The following SMC6 variants were observed in gnomAD, a reference collection of about 807,000 sequenced individuals.
SMC6 encodes the protein structural maintenance of chromosomes 6, also known as structural maintenance of chromosomes protein 6.
SMC6 carries 79 observed loss-of-function variants against 142.2 expected under a neutral mutation model. The observed-to-expected ratio is 0.56, with a 90% CI of 0.46 to 0.67. SMC6 has a LOEUF of 0.67. Ranked by LOEUF, SMC6 falls within the 30% of genes least tolerant of loss-of-function variation. SMC6 has a pLI of 0.00. For synonymous variants in SMC6, 411 were observed against 412.4 expected, an observed-to-expected ratio of 1.00 and a Z score of 0.04; for missense variants, 1,072 against 1,284.0, an observed-to-expected ratio of 0.83 and a Z score of 2.52.
chr2:17,706,344 G>C (rs960234445), intron 18 of SMC6, among the ~76,000 whole-genome samples: 9 of 151,986 alleles, frequency 5.9e-5, no homozygotes, highest in Admixed American at 1.3e-4. Context: ...AGAACACCAA[G>C]GTGCTAGTCA....
At chr2:17,713,485 T>TGCCA (rs977747549) in intron 16 of SMC6, 3 of 471,010 alleles carry the variant, frequency 6.4e-6, no homozygotes, top group African/African-American at 6.0e-5. Context: ...ACACACAATG[T>TGCCA]GCCAGCAAGG....
chr2:17,743,881 A>G (rs1360644461), intron 3 of SMC6, among the ~76,000 whole-genome samples: 1 of 152,142 alleles, frequency 6.6e-6, no homozygotes, highest in Non-Finnish European at 1.5e-5. Flanking sequence ...ACTTAGTAAT[A>G]TACGTTTAAG....
chr2:17,723,879 A>G (rs1669490833), intron 9 of SMC6, among the ~76,000 whole-genome samples: 1 of 152,216 alleles, frequency 6.6e-6, no homozygotes, highest in Non-Finnish European at 1.5e-5. Flanking sequence ...TAATTATTCA[A>G]ACCCAGAGTT....
intron 11 of SMC6, among the ~76,000 whole-genome samples, chr2:17,718,425 C>T (rs1391059463): frequency 1.3e-5 from 2 of 152,058 alleles, no homozygotes; most frequent in African/African-American, 4.8e-5. Flanking sequence ...AATGTGTTAT[C>T]CTCTTGGGAT....
chr2:17,669,169 G>C (rs1283265089), intron 26 of SMC6, among the ~76,000 whole-genome samples: 1 of 152,206 alleles, frequency 6.6e-6, no homozygotes, highest in African/African-American at 2.4e-5. Context: ...GATGTCAAAG[G>C]TAGGTGACTG....
chr2:17,692,767 CAACCT>C (rs1276659225), intron 23 of SMC6, among the ~76,000 whole-genome samples: 1 of 152,114 alleles, frequency 6.6e-6, no homozygotes, highest in African/African-American at 2.4e-5. Flanking sequence ...AGTGAACAGG[CAACCT>C]ACAGAATGGG....
intron 12 of SMC6, among the ~76,000 whole-genome samples, chr2:17,717,810 T>C (rs1669171616): frequency 6.6e-6 from 1 of 152,122 alleles, no homozygotes; most frequent in Non-Finnish European, 1.5e-5. Context: ...GGTGAAATCC[T>C]GTCTCTACAA....
At chr2:17,726,863 T>C (rs7556886) in intron 7 of SMC6, among the ~76,000 whole-genome samples, 116,403 of 152,064 alleles carry the variant, frequency 0.77, 46,423 homozygotes, top group Middle Eastern at 0.91. Context: ...AAGGAGTCAG[T>C]CACCTCGGGT....
Position 17,753,016 on chromosome 2 carries a change from G to C in SMC6, c.-44C>G, listed in dbSNP as rs554897829. 1.9e-5 allele frequency: 19 copies of C among 985,014 alleles called. No homozygotes were observed. The East Asian group carries it at 2.0e-3, about 106-fold the overall frequency. The allele number at this position is 985,014 out of a possible 1,614,324, so 61.0% of individuals were successfully genotyped here. A position where few individuals can be genotyped will look rare whatever the true frequency, so the allele number is the denominator to read the frequency against. On this transcript the variant is annotated 5_prime_UTR_variant, in exon 2 of 28. Coordinates refer to ENST00000448223, the MANE Select transcript of SMC6 (RefSeq NM_001142286.2). ...GGTTCTACAACCTTTCTCTACCCTAGAGTCCTGTTTTCCGCAATTCCCAAT... is the reference window on the plus strand; with the variant it reads ...GGTTCTACAACCTTTCTCTACCCTACAGTCCTGTTTTCCGCAATTCCCAAT...
At chr2:17,705,559 C>A (rs1668467225) in intron 18 of SMC6, among the ~76,000 whole-genome samples, 2 of 152,084 alleles carry the variant, frequency 1.3e-5, no homozygotes, top group Admixed American at 6.6e-5. Context: ...CAGAGTGAGA[C>A]CCTGTCTCAA....
At chr2:17,739,821 A>AACACACACAC (rs148768584) in intron 4 of SMC6, among the ~76,000 whole-genome samples, 17 of 111,430 alleles carry the variant, frequency 1.5e-4, no homozygotes, top group African/African-American at 6.5e-4. Context: ...TTTCTCTTTA[A>AACACACACAC]ACACACACAC....
intron 7 of SMC6, among the ~76,000 whole-genome samples, chr2:17,730,308 T>C (rs946868032): frequency 2.0e-5 from 3 of 151,618 alleles, no homozygotes; most frequent in African/African-American, 7.3e-5. Flanking sequence ...ACAAGTGTGA[T>C]CAATAGCTCC....
At chr2:17,671,483 C>A (rs1164386123) in intron 25 of SMC6, among the ~76,000 whole-genome samples, 1 of 151,356 alleles carries the variant, frequency 6.6e-6, no homozygotes, top group African/African-American at 2.4e-5. Context: ...GTGGCATACT[C>A]CTGTGGTCCC....
intron 23 of SMC6, among the ~76,000 whole-genome samples, chr2:17,685,472 A>T (rs1055440733): frequency 2.6e-5 from 4 of 152,204 alleles, no homozygotes; most frequent in South Asian, 4.1e-4. Context: ...AATTCTTATC[A>T]ACTTGTAAAA....
At chr2:17,731,261 C>A (rs1445014675) in intron 6 of SMC6, 122 bp from the exon 7 acceptor site, 2 of 661,198 alleles carry the variant, frequency 3.0e-6, no homozygotes, top group Non-Finnish European at 5.2e-6. Context: ...AGAAAGGTAC[C>A]ATTGAATACG....
chr2:17,713,670 T>A (rs762407829), intron 16 of SMC6: 2 of 324,904 alleles, frequency 6.2e-6, no homozygotes, highest in African/African-American at 2.2e-5. Context: ...CTAGGAGTCA[T>A]CCTGATTTTT....
chr2:17,671,103 G>A (rs189535359), intron 25 of SMC6, among the ~76,000 whole-genome samples: 15 of 150,804 alleles, frequency 9.9e-5, no homozygotes, highest in Admixed American at 7.3e-4. Context: ...TGAACTCCTC[G>A]GTTCAAGCAA....
At chr2:17,710,450 A>G (rs1668772470) in intron 16 of SMC6, among the ~76,000 whole-genome samples, 1 of 152,194 alleles carries the variant, frequency 6.6e-6, no homozygotes, top group Non-Finnish European at 1.5e-5. Flanking sequence ...ACCTACAAAC[A>G]CAGTTTCAGT....
intron 25 of SMC6, among the ~76,000 whole-genome samples, chr2:17,677,708 A>G (rs1322747272): frequency 1.3e-5 from 2 of 152,130 alleles, no homozygotes; most frequent in Non-Finnish European, 2.9e-5. Flanking sequence ...AATAAGCACA[A>G]TTCCTCCCAA....
Sources: allele counts gnomAD v4.1 joint callset (sites outside exome capture counted in the v4.1 genomes callset), GRCh38; gene constraint gnomAD v4.1.1; transcripts MANE v1.5; gene names NCBI Gene and HGNC (gene_info 2026-07-23, HGNC 2026-07-21).